Variants in PTPRM observed in about 807,000 individuals in gnomAD.
PTPRM encodes the protein protein tyrosine phosphatase receptor type M, also known as receptor-type tyrosine-protein phosphatase mu.
Under a neutral mutation model 186.7 loss-of-function variants are expected in PTPRM, and 47 were observed. The observed-to-expected ratio is 0.25, with a 90% confidence interval of 0.20 to 0.32. PTPRM has a LOEUF of 0.32. Among genes scored for constraint, PTPRM ranks in the 10% least tolerant of loss-of-function variants. The pLI is 1.00. For missense variants in PTPRM, 1,494 were observed against 1,865.0 expected, an observed-to-expected ratio of 0.80 and a Z score of 3.66; for synonymous variants, 668 against 674.9, an observed-to-expected ratio of 0.99 and a Z score of 0.16.
chr18:7,823,663 G>T (rs1188454385), intron 2 of PTPRM, among the ~76,000 whole-genome samples: 1 of 152,162 alleles, frequency 6.6e-6, no homozygotes, highest in African/African-American at 2.4e-5. Context: ...TCTTTCTCCC[G>T]TGCTGGAAGC....
In PTPRM at chr18:7,774,166, G is replaced by A; in HGVS notation, c.91G>A (p.Glu31Lys). The A allele has an allele frequency of 1.2e-6, 2 of 1,611,070 alleles. No homozygotes were observed. Among genetic ancestry groups the A allele is most frequent in the Admixed American group, 1.7e-5 (1 of 59,924 alleles). ...CATTTTAGGTGGCTGCCTCTTTGAT[G>A]AGCCGTATAGCACATGTGGATATAG... ...ETFSGGCLFDEPYSTCGYSQS... is the reference protein window; with the variant it reads ...ETFSGGCLFDKPYSTCGYSQS... Residue 31 changes from glutamate (E) to lysine (K), a missense_variant, in exon 2 of 33, where the codon GAG becomes AAG. By Grantham distance (56) the Glu-to-Lys change is moderately conservative (BLOSUM62 1). This residue lies in a region of PTPRM where 296 missense variants were observed against 345.5 expected (regional missense o/e 0.86). Coordinates refer to ENST00000580170, the MANE Select transcript of PTPRM (RefSeq NM_001105244.2).
At chr18:8,048,064 A>AT (rs2087193675) in intron 7 of PTPRM, among the ~76,000 whole-genome samples, 1 of 152,154 alleles carries the variant, frequency 6.6e-6, no homozygotes, top group African/African-American at 2.4e-5. Flanking sequence ...TTGCCTTTGT[A>AT]TTTTTTAAAT....
chr18:7,712,222 C>G (rs1275705973), intron 1 of PTPRM, among the ~76,000 whole-genome samples: 1 of 152,152 alleles, frequency 6.6e-6, no homozygotes, highest in African/African-American at 2.4e-5. Context: ...AAAACAGGGT[C>G]TGGAGCGGAT....
At chr18:8,380,245 C>G (rs914508384) in intron 28 of PTPRM, 51 bp from the exon 29 acceptor site, 5 of 1,580,924 alleles carry the variant, frequency 3.2e-6, no homozygotes, top group Non-Finnish European at 4.3e-6. Flanking sequence ...CTAGCTTCTT[C>G]TCTTCCCATT....
intron 7 of PTPRM, among the ~76,000 whole-genome samples, chr18:7,990,655 C>T (rs1218159181): frequency 2.6e-5 from 4 of 152,174 alleles, no homozygotes; most frequent in African/African-American, 9.7e-5. Flanking sequence ...AGCTCTTAGC[C>T]TTCTGTCCTT....
intron 2 of PTPRM, among the ~76,000 whole-genome samples, chr18:7,868,648 G>T (rs990389556): frequency 6.6e-6 from 1 of 152,206 alleles, no homozygotes; most frequent in Non-Finnish European, 1.5e-5. Context: ...CTGCTGGGAG[G>T]TGTCTCCCCA....
chr18:8,241,176 A>T (rs2094431355), intron 14 of PTPRM, among the ~76,000 whole-genome samples: 1 of 152,066 alleles, frequency 6.6e-6, no homozygotes, highest in South Asian at 2.1e-4. Flanking sequence ...AAAAATACAA[A>T]AATACAAAAA....
chr18:7,584,254 ATTAT>A (rs1362272687), intron 1 of PTPRM, among the ~76,000 whole-genome samples: 1 of 152,220 alleles, frequency 6.6e-6, no homozygotes, highest in Non-Finnish European at 1.5e-5. Flanking sequence ...TTTTATCAAA[ATTAT>A]TTATGAAGTA....
intron 5 of PTPRM, among the ~76,000 whole-genome samples, chr18:7,937,178 C>G (rs572304594): frequency 1.9e-3 from 290 of 152,322 alleles, no homozygotes; most frequent in Non-Finnish European, 3.2e-3. Context: ...ATAACACAAG[C>G]AGGGCTGAAA....
At chr18:8,320,199 G>A (rs2095337077) in intron 22 of PTPRM, among the ~76,000 whole-genome samples, 1 of 152,170 alleles carries the variant, frequency 6.6e-6, no homozygotes, top group Non-Finnish European at 1.5e-5. Context: ...CCAAAGGTTA[G>A]GCATGGGGGC....
intron 7 of PTPRM, among the ~76,000 whole-genome samples, chr18:8,030,665 C>T (rs1744226641): frequency 6.6e-6 from 1 of 151,742 alleles, no homozygotes; most frequent in African/African-American, 2.4e-5. Flanking sequence ...GGATCCCTCA[C>T]ATGAGGTGTC....
At chr18:7,963,062 G>A (rs2053788239) in intron 7 of PTPRM, among the ~76,000 whole-genome samples, 1 of 152,216 alleles carries the variant, frequency 6.6e-6, no homozygotes, top group South Asian at 2.1e-4. Context: ...ATGTTTTAAT[G>A]AATTTTCAAT....
intron 7 of PTPRM, among the ~76,000 whole-genome samples, chr18:8,032,274 TA>T (rs2086028475): frequency 6.6e-6 from 1 of 152,198 alleles, no homozygotes; most frequent in Non-Finnish European, 1.5e-5. Context: ...TCCTCATGTG[TA>T]AAAATGGGGA....
At chr18:8,015,210 G>A (rs939314186) in intron 7 of PTPRM, among the ~76,000 whole-genome samples, 5 of 152,110 alleles carry the variant, frequency 3.3e-5, no homozygotes, top group Non-Finnish European at 5.9e-5. Context: ...ATGACAAAAT[G>A]AGACAAAATG....
At chr18:7,794,283 A>T (rs9953664) in intron 2 of PTPRM, among the ~76,000 whole-genome samples, 1 of 152,112 alleles carries the variant, frequency 6.6e-6, no homozygotes, top group Non-Finnish European at 1.5e-5. Flanking sequence ...CACCTGTAAC[A>T]CATGCCCACT....
chr18:8,128,479 T>A (rs770113204), intron 13 of PTPRM, among the ~76,000 whole-genome samples: 20 of 152,200 alleles, frequency 1.3e-4, no homozygotes, highest in Non-Finnish European at 2.5e-4. Context: ...CTAGAAAGAA[T>A]GTAAAATGAG....
chr18:7,716,514 G>T (rs549127787), intron 1 of PTPRM, among the ~76,000 whole-genome samples: 26 of 152,204 alleles, frequency 1.7e-4, no homozygotes, highest in Non-Finnish European at 3.4e-4. Flanking sequence ...AAGAGCTTCT[G>T]CACAACAAAA....
At chr18:7,774,582 G>A (rs575338368) in intron 2 of PTPRM, among the ~76,000 whole-genome samples, 5 of 152,302 alleles carry the variant, frequency 3.3e-5, no homozygotes, top group Admixed American at 3.3e-4. Flanking sequence ...TCTGGTAAAT[G>A]TGTCTAAGTG....
At chr18:8,237,451 TTTTTTTTTTTTC>T (rs1391488964) in intron 14 of PTPRM, among the ~76,000 whole-genome samples, 5,039 of 91,448 alleles carry the variant, frequency 0.055, 321 homozygotes, top group African/African-American at 0.21. Context: ...TTTTTTTTTT[TTTTTTTTTTTTC>T]CTGAGACAGA....
Sources: allele counts gnomAD v4.1 joint callset (sites outside exome capture counted in the v4.1 genomes callset), GRCh38; gene constraint gnomAD v4.1.1; regional missense constraint gnomAD v4.1.1; transcripts MANE v1.5; gene names NCBI Gene and HGNC (gene_info 2026-07-23, HGNC 2026-07-21).